Variants in MCPH1 observed in about 807,000 individuals in gnomAD.
The protein encoded by MCPH1 is microcephalin.
A neutral mutation model predicts 84.5 loss-of-function variants in MCPH1; 104 were observed. That is an observed-to-expected ratio of 1.23 (90% CI 1.05 to 1.45). The LOEUF (loss-of-function observed/expected upper bound fraction) is 1.45, where lower values mean the gene tolerates loss of function less well. MCPH1 is among the 40% of genes most tolerant of loss of function. MCPH1 has a pLI of 0.00. For missense variants in MCPH1, 1,498 were observed against 1,005.7 expected (o/e 1.49, Z -6.62); for synonymous variants, 514 against 366.8 (o/e 1.40, Z -4.58).
intron 12 of MCPH1, among the ~76,000 whole-genome samples, chr8:6,520,803 T>G (rs2515442): frequency 0.072 from 10,945 of 152,240 alleles, 482 homozygotes; most frequent in African/African-American, 0.12. Context: ...TTAAGTGCCA[T>G]TGTATTATCT....
At chr8:6,439,281 G>A (rs953901698) in intron 6 of MCPH1, among the ~76,000 whole-genome samples, 185 bp downstream of exon 6, 14 of 151,544 alleles carry the variant, frequency 9.2e-5, no homozygotes, top group Admixed American at 7.2e-4. Flanking sequence ...AGCATATGTT[G>A]GGTGTATAGT....
intron 10 of MCPH1, among the ~76,000 whole-genome samples, chr8:6,480,410 C>T (rs925132370): frequency 2.0e-5 from 3 of 151,894 alleles, no homozygotes; most frequent in East Asian, 1.9e-4. Flanking sequence ...TGAGCCACCG[C>T]GCCCAGCCAG....
intron 12 of MCPH1, among the ~76,000 whole-genome samples, chr8:6,566,594 G>T (rs1456408995): frequency 3.9e-5 from 6 of 152,230 alleles, no homozygotes; most frequent in African/African-American, 9.6e-5. Flanking sequence ...CAAGGCCGTG[G>T]ATAGTGCCCG....
intron 12 of MCPH1, among the ~76,000 whole-genome samples, chr8:6,543,317 C>T (rs1821943125): frequency 6.6e-6 from 1 of 152,196 alleles, no homozygotes; most frequent in Non-Finnish European, 1.5e-5. Flanking sequence ...TGTGTTTGTA[C>T]AGTTACTTTC....
At chr8:6,420,650 A>G (rs918903381) in intron 3 of MCPH1, among the ~76,000 whole-genome samples, 9 of 152,092 alleles carry the variant, frequency 5.9e-5, no homozygotes, top group Non-Finnish European at 4.4e-5. Flanking sequence ...TCGATCTCTC[A>G]TAGATCTTTA....
intron 3 of MCPH1, among the ~76,000 whole-genome samples, chr8:6,419,163 A>G (rs1052560416): frequency 2.3e-4 from 8 of 35,142 alleles, no homozygotes; most frequent in African/African-American, 2.7e-4. Flanking sequence ...ACACACACAC[A>G]CACACACACA....
At chr8:6,410,983 G>C (rs568364286) in intron 2 of MCPH1, among the ~76,000 whole-genome samples, 23 of 152,068 alleles carry the variant, frequency 1.5e-4, no homozygotes, top group Non-Finnish European at 2.5e-4. Context: ...TCAGTGATTC[G>C]GGAGGCTGAG....
At chr8:6,439,649 G>A (rs923513317) in intron 6 of MCPH1, among the ~76,000 whole-genome samples, 1 of 151,884 alleles carries the variant, frequency 6.6e-6, no homozygotes, top group Non-Finnish European at 1.5e-5. Flanking sequence ...CACCCGCCTC[G>A]GCCTCCCAAA....
intron 12 of MCPH1, among the ~76,000 whole-genome samples, chr8:6,566,885 CGGTGCGGTG>C (rs1826212416): frequency 8.0e-6 from 1 of 124,606 alleles, no homozygotes; most frequent in African/African-American, 3.1e-5. Flanking sequence ...ATAGTACACG[CGGTGCGGTG>C]ACCATGTGTG....
chr8:6,642,065 A>C (rs1390748499), intron 13 of MCPH1, among the ~76,000 whole-genome samples: 1 of 152,144 alleles, frequency 6.6e-6, no homozygotes, highest in Non-Finnish European at 1.5e-5. Flanking sequence ...TTGTAGATTA[A>C]ACCCATTTTT....
chr8:6,608,536 C>T (rs1046736119), intron 12 of MCPH1, among the ~76,000 whole-genome samples: 2 of 152,152 alleles, frequency 1.3e-5, no homozygotes, highest in African/African-American at 4.8e-5. Context: ...GACTCACTTG[C>T]TAAGTGCTCA....
intron 9 of MCPH1, among the ~76,000 whole-genome samples, chr8:6,466,001 C>G (rs144783852): frequency 0.041 from 6,298 of 152,086 alleles, 376 homozygotes; most frequent in African/African-American, 0.13. Context: ...GTCGCCCAGG[C>G]TGGAGTGCAG....
intron 1 of MCPH1, among the ~76,000 whole-genome samples, chr8:6,408,172 G>C (rs1050851725): frequency 5.9e-5 from 9 of 152,200 alleles, no homozygotes; most frequent in Admixed American, 4.6e-4. Context: ...TATGGGTACA[G>C]TTGTTCTTTG....
In MCPH1 at chr8:6,424,300, AG is replaced by A. The variant is rs375144032; in HGVS notation, c.234-7197del. Among the ~76,000 whole-genome samples, 760 of 152,330 alleles carry A rather than the reference AG, an allele frequency of 5.0e-3. 6 individuals carry two copies. The highest frequency in any genetic ancestry group is 0.018 in the African/African-American group (733 of 41,570). ...TTTAAACAACTGCAAACTAACAGCT[AG>A]GTGGGGAATACGGTTCACAGGCTTT... is the stretch of plus-strand genomic sequence containing the variant. On this transcript the variant is annotated intron_variant, in intron 3 of 13. Transcript: ENST00000344683.
Position 6,480,684 on chromosome 8 carries a change from A to G in MCPH1, c.1974-30A>G, listed in dbSNP as rs189577347. On this transcript the variant is annotated intron_variant, in intron 10 of 13. Transcript: ENST00000344683. ...ATGGGCATGTGCAACAAAGTCATTCATTTTGTTAATTTTTCCCCCGATTTG... is the reference window on the plus strand; with the variant it reads ...ATGGGCATGTGCAACAAAGTCATTCGTTTTGTTAATTTTTCCCCCGATTTG... 4.5e-4 allele frequency: 724 copies of G among 1,613,858 alleles called. 6 individuals are homozygous for G. The African/African-American group carries it at 8.8e-3, about 20-fold the overall frequency.
chr8:6,430,326 G>C (rs1190331246), intron 3 of MCPH1, among the ~76,000 whole-genome samples: 1 of 152,204 alleles, frequency 6.6e-6, no homozygotes. Flanking sequence ...GTATTGGGGT[G>C]GCACATGTCG....
intron 12 of MCPH1, among the ~76,000 whole-genome samples, chr8:6,513,146 C>T (rs1815514997): frequency 6.6e-6 from 1 of 152,162 alleles, no homozygotes; most frequent in African/African-American, 2.4e-5. Flanking sequence ...TGAAGATACA[C>T]AGTAAACACA....
intron 12 of MCPH1, among the ~76,000 whole-genome samples, chr8:6,562,186 C>G (rs928974870): frequency 2.0e-5 from 3 of 152,188 alleles, no homozygotes; most frequent in Non-Finnish European, 2.9e-5. Flanking sequence ...TTTACTCCAT[C>G]CGTTATGCCT....
In MCPH1 at chr8:6,445,558, C is replaced by T. The variant is rs774561825; in HGVS notation, c.1825+11C>T. 2 of 1,565,038 alleles carry T rather than the reference C, an allele frequency of 1.3e-6. No individual in the cohort carries two copies. Among genetic ancestry groups the T allele is most frequent in the South Asian group, 2.4e-5 (2 of 82,814 alleles). ...GAGGATACAGTGGAAGTATGTGAAT[C>T]TCCTTTTCCAAGTCACCTTCGCTAA... On this transcript the variant is annotated intron_variant, in intron 8 of 13. Transcript: ENST00000344683.
Sources: allele counts gnomAD v4.1 joint callset (sites outside exome capture counted in the v4.1 genomes callset), GRCh38; gene constraint gnomAD v4.1.1; transcripts MANE v1.5; gene names NCBI Gene and HGNC (gene_info 2026-07-23, HGNC 2026-07-21).